OPCML: variants seen among roughly 807,000 people sequenced by gnomAD.
OPCML encodes opioid-binding protein/cell adhesion molecule.
Under a neutral mutation model 37.8 loss-of-function variants are expected in OPCML, and 13 were observed. The observed-to-expected ratio is 0.34, with a 90% CI of 0.22 to 0.55. OPCML has a LOEUF of 0.55. OPCML is among the 20% of genes least tolerant of loss of function. OPCML has a pLI of 0.91. For synonymous variants in OPCML, 176 were observed against 168.8 expected (o/e 1.04, Z -0.33); for missense variants, 341 against 435.6 (o/e 0.78, Z 1.93).
rs576614065 is a variant in OPCML, at chr11:132,923,025, G to A, written c.146+19901C>T. The stretch of plus-strand genomic sequence containing the variant: ...GGAAGTCAAGGCTGTATTGGGCCAC[G>A]ATTGCACCACTGCACTCCAGCCTGG... On this transcript the variant is annotated intron_variant, in intron 2 of 7. Transcript: ENST00000524381. 1.6e-3 allele frequency among the ~76,000 whole-genome samples: 243 copies of A among 151,932 alleles called. 1 individual carries two copies. The highest frequency in any genetic ancestry group is 5.6e-3 in the South Asian group (27 of 4,804).
intron 4 of OPCML, among the ~76,000 whole-genome samples, chr11:132,443,372 G>A (rs2096043219): frequency 6.6e-6 from 1 of 152,230 alleles, no homozygotes; most frequent in Admixed American, 6.5e-5. Context: ...GCAGAGGGTG[G>A]CCACCCAGGG....
rs368598459 is a variant in OPCML at position 132,534,635 on chromosome 11, G to A, written c.380-5449C>T. Among the ~76,000 whole-genome samples, 107 of 152,280 alleles carry A rather than the reference G, an allele frequency of 7.0e-4. 1 individual carries two copies. In the South Asian group the frequency reaches 7.2e-3, roughly 10 times the overall value. On this transcript the variant is annotated intron_variant, in intron 3 of 7. Transcript: ENST00000524381. ...TATGATGTGGTGGAAACGGAAGTGA[G>A]AGGCCAGGGAACATGCCTCCAGTTC...
rs3220326 is a variant in OPCML at position 133,365,048 on chromosome 11, T to TCACACACACA, written c.61+167206_61+167215dup. Among the ~76,000 whole-genome samples, 201 of 146,570 alleles carry TCACACACACA rather than the reference T, an allele frequency of 1.4e-3. 1 individual carries two copies. The highest frequency in any genetic ancestry group is 4.7e-3 in the African/African-American group (185 of 39,536). ...GCCTCTCTCTCTATCTCTCTCTCTT[T>TCACACACACA]CACACACACACACACACACACACAC... On this transcript the variant is annotated intron_variant, in intron 1 of 7. Transcript: ENST00000524381.
chr11:132,933,158 T>C (rs1225375358), intron 2 of OPCML, among the ~76,000 whole-genome samples: 3 of 152,128 alleles, frequency 2.0e-5, no homozygotes, highest in Non-Finnish European at 4.4e-5. Context: ...AGTGAGATCT[T>C]GTGACAGAAG....
chr11:132,816,143 A>G (rs1939620940), intron 2 of OPCML, among the ~76,000 whole-genome samples: 1 of 152,220 alleles, frequency 6.6e-6, no homozygotes, highest in South Asian at 2.1e-4. Flanking sequence ...GAGGCTTTCT[A>G]AGCAGCATGA....
chr11:132,966,554 G>A (rs1313297363), intron 1 of OPCML, among the ~76,000 whole-genome samples: 1 of 151,706 alleles, frequency 6.6e-6, no homozygotes, highest in Non-Finnish European at 1.5e-5. Flanking sequence ...CTTCATAGAT[G>A]TCTTTTGGTT....
At chr11:132,629,605 T>C (rs1939970323) in intron 3 of OPCML, among the ~76,000 whole-genome samples, 1 of 152,198 alleles carries the variant, frequency 6.6e-6, no homozygotes, top group Non-Finnish European at 1.5e-5. Flanking sequence ...ATATCCTCTT[T>C]TAAAATGTCA....
intron 1 of OPCML, among the ~76,000 whole-genome samples, chr11:133,098,402 A>G (rs1236375717): frequency 6.6e-6 from 1 of 151,932 alleles, no homozygotes; most frequent in Non-Finnish European, 1.5e-5. Flanking sequence ...TTTTTAATAG[A>G]GACAGGGTTT....
intron 2 of OPCML, among the ~76,000 whole-genome samples, chr11:132,687,411 T>C (rs1290050823): frequency 2.3e-4 from 22 of 96,556 alleles, no homozygotes; most frequent in African/African-American, 1.1e-3. Context: ...TATATATATA[T>C]ATATATATAT....
In OPCML at chr11:132,614,288, C is replaced by T. The variant is rs537424479; in HGVS notation, c.379+42799G>A. On this transcript the variant is annotated intron_variant, in intron 3 of 7. Transcript: ENST00000524381. ...GCTTCCCCCATCAGATTTTCCTGAG[C>T]CTGAATTTCACCTCCTTGATGAAGC... Among the ~76,000 whole-genome samples the T allele has an allele frequency of 1.4e-3, 207 of 152,250 alleles. 1 individual carries two copies. The highest frequency in any genetic ancestry group is 2.3e-3 in the Non-Finnish European group (154 of 68,018).
intron 1 of OPCML, among the ~76,000 whole-genome samples, chr11:133,456,686 TA>T (rs1946677960): frequency 1.3e-5 from 2 of 150,880 alleles, no homozygotes; most frequent in African/African-American, 4.9e-5. Context: ...GAGAAAAAGA[TA>T]TATGAACAAA....
intron 2 of OPCML, among the ~76,000 whole-genome samples, chr11:132,701,284 G>T (rs1049570970): frequency 6.6e-6 from 1 of 152,146 alleles, no homozygotes; most frequent in Non-Finnish European, 1.5e-5. Flanking sequence ...CAGTATGGGG[G>T]AAATTGACCC....
chr11:133,491,283 A>C (rs781268839), intron 1 of OPCML, among the ~76,000 whole-genome samples: 4 of 152,160 alleles, frequency 2.6e-5, no homozygotes, highest in Non-Finnish European at 5.9e-5. Context: ...GAGGCCTCCT[A>C]GTCACTTTAC....
intron 1 of OPCML, among the ~76,000 whole-genome samples, chr11:133,409,340 C>G (rs557562578): frequency 6.6e-6 from 1 of 152,216 alleles, no homozygotes; most frequent in Admixed American, 6.5e-5. Context: ...GTTTAGAAAA[C>G]TTGACAGAGG....
chr11:133,334,882 G>T (rs1421079743), intron 1 of OPCML, among the ~76,000 whole-genome samples: 1 of 152,158 alleles, frequency 6.6e-6, no homozygotes, highest in Non-Finnish European at 1.5e-5. Context: ...GGGCATGAGA[G>T]GGGCAACAGG....
intron 1 of OPCML, among the ~76,000 whole-genome samples, chr11:132,978,444 T>G (rs1946511541): frequency 6.6e-6 from 1 of 152,086 alleles, no homozygotes; most frequent in South Asian, 2.1e-4. Context: ...AGGAGCTGAA[T>G]CTCATCCAGC....
At chr11:133,114,420 CAT>C (rs2137100438) in intron 1 of OPCML, among the ~76,000 whole-genome samples, 1 of 152,098 alleles carries the variant, frequency 6.6e-6, no homozygotes, top group East Asian at 1.9e-4. Flanking sequence ...ACCTTCAAGA[CAT>C]ATTCAAAATC....
At chr11:133,098,015 T>G (rs1012513729) in intron 1 of OPCML, among the ~76,000 whole-genome samples, 2 of 152,174 alleles carry the variant, frequency 1.3e-5, no homozygotes, top group Non-Finnish European at 2.9e-5. Context: ...TACTTCATCA[T>G]TCTATGAGGC....
chr11:132,979,768 C>T (rs73586467), intron 1 of OPCML, among the ~76,000 whole-genome samples: 1,935 of 152,240 alleles, frequency 0.013, 44 homozygotes, highest in African/African-American at 0.044. Context: ...AGTTGAGGCC[C>T]TGGGAGAGGG....
Sources: allele counts gnomAD v4.1 joint callset (sites outside exome capture counted in the v4.1 genomes callset), GRCh38; gene constraint gnomAD v4.1.1; transcripts MANE v1.5; gene names NCBI Gene and HGNC (gene_info 2026-07-23, HGNC 2026-07-21).